Variants in TACR3 observed in about 807,000 individuals in gnomAD.
TACR3 encodes the protein neuromedin-K receptor.
In TACR3, 34 loss-of-function variants were observed where a neutral mutation model predicts 35.0. That is an observed-to-expected ratio of 0.97 (90% CI 0.74 to 1.30). The LOEUF is 1.30. TACR3 is among the 50% of genes most tolerant of loss of function. The pLI, the probability that TACR3 is intolerant of heterozygous loss-of-function variation, is 0.00. For missense variants in TACR3, 558 were observed against 591.7 expected (o/e 0.94, Z 0.59); for synonymous variants, 233 against 221.1 (o/e 1.05, Z -0.48).
chr4:103,613,741 T>G (rs1376918332), intron 3 of TACR3, among the ~76,000 whole-genome samples: 1 of 152,226 alleles, frequency 6.6e-6, no homozygotes, highest in Admixed American at 6.5e-5. Context: ...CACAGTTCTT[T>G]AGGCTGAGAG....
chr4:103,681,610 C>T (rs1055628437), intron 1 of TACR3, among the ~76,000 whole-genome samples: 4 of 151,982 alleles, frequency 2.6e-5, no homozygotes, highest in Non-Finnish European at 4.4e-5. Flanking sequence ...CTTCAAAATA[C>T]GTGAATCAAA....
intron 1 of TACR3, among the ~76,000 whole-genome samples, chr4:103,693,529 A>G (rs1231388950): frequency 1.3e-5 from 2 of 152,098 alleles, no homozygotes; most frequent in Non-Finnish European, 2.9e-5. Context: ...TTTTAGGTAA[A>G]TGTGCATTTC....
In TACR3 at chr4:103,719,403, C is replaced by T. The variant is rs773303941; in HGVS notation, c.273G>A (p.Ala91=). The T allele has an allele frequency of 6.8e-6, 11 of 1,614,134 alleles. No homozygotes were observed. In the East Asian group the frequency reaches 2.2e-4, roughly 33 times the overall value. ...PSWRIALWSL[A]YGVVVAVAVL... ...CTGCCACTGCCACCACCACACCATA[C>T]GCCAGGGACCAGAGCGCGATGCGCC... The change falls in exon 1 of 5, where the codon GCG becomes GCA. Residue 91 remains alanine, a synonymous_variant. Transcript: ENST00000304883.
At chr4:103,660,220 T>A (rs996166184) in intron 1 of TACR3, among the ~76,000 whole-genome samples, 3 of 151,908 alleles carry the variant, frequency 2.0e-5, no homozygotes, top group South Asian at 4.1e-4. Context: ...AAGAAAACAG[T>A]CTTAATTCAT....
chr4:103,596,065 A>C (rs940488004), intron 3 of TACR3, among the ~76,000 whole-genome samples: 1 of 150,796 alleles, frequency 6.6e-6, no homozygotes, highest in African/African-American at 2.4e-5. Flanking sequence ...CCATGTCCCT[A>C]CAAAGGACAT....
At position 103,675,809 on chromosome 4, in the gene TACR3, A is replaced by C. The variant is rs559359742; in HGVS notation, c.549-17406T>G. ...CAACACCAAGAAAAGGCCAAAGAGC[A>C]AGGGACCCTATTGGTGCAATCCACA... is the stretch of plus-strand genomic sequence containing the variant. On this transcript the variant is annotated intron_variant, in intron 1 of 4. Transcript: ENST00000304883. Among the ~76,000 whole-genome samples, 9 of 152,230 alleles carry C rather than the reference A, an allele frequency of 5.9e-5. No homozygotes were observed. In the East Asian group the frequency reaches 1.2e-3, roughly 20 times the overall value.
At chr4:103,603,268 G>A (rs1268716955) in intron 3 of TACR3, among the ~76,000 whole-genome samples, 1 of 152,194 alleles carries the variant, frequency 6.6e-6, no homozygotes. Flanking sequence ...GGGTGGGAGT[G>A]ACCCGATTTT....
chr4:103,683,438 G>C (rs1722145864), intron 1 of TACR3, among the ~76,000 whole-genome samples: 1 of 84,104 alleles, frequency 1.2e-5, no homozygotes, highest in African/African-American at 4.8e-5. Flanking sequence ...TGGAAAGCTT[G>C]CTAAAATTGA....
chr4:103,698,405 A>T (rs1166910496), intron 1 of TACR3, among the ~76,000 whole-genome samples: 4,139 of 152,174 alleles, frequency 0.027, 207 homozygotes, highest in African/African-American at 0.095. Context: ...TCATTTGAAA[A>T]GTCTCAAATC....
intron 1 of TACR3, among the ~76,000 whole-genome samples, chr4:103,662,731 T>C (rs1161248497): frequency 6.6e-6 from 1 of 152,144 alleles, no homozygotes; most frequent in East Asian, 1.9e-4. Flanking sequence ...GAATGTTATG[T>C]GAAGACAGAA....
intron 1 of TACR3, among the ~76,000 whole-genome samples, chr4:103,666,657 G>A (rs1725942576): frequency 6.6e-6 from 1 of 152,014 alleles, no homozygotes; most frequent in African/African-American, 2.4e-5. Context: ...CATCAGTAAA[G>A]AATATTACAT....
At chr4:103,715,001 A>G (rs1723058289) in intron 1 of TACR3, among the ~76,000 whole-genome samples, 1 of 152,214 alleles carries the variant, frequency 6.6e-6, no homozygotes, top group African/African-American at 2.4e-5. Context: ...GTAGCATAGA[A>G]GACCAATTTT....
At chr4:103,667,215 G>A (rs1002579369) in intron 1 of TACR3, among the ~76,000 whole-genome samples, 1 of 152,076 alleles carries the variant, frequency 6.6e-6, no homozygotes, top group Admixed American at 6.6e-5. Context: ...TCAAGATCGC[G>A]CCATTGCATT....
At chr4:103,663,762 A>G (rs1725881297) in intron 1 of TACR3, among the ~76,000 whole-genome samples, 1 of 152,200 alleles carries the variant, frequency 6.6e-6, no homozygotes, top group African/African-American at 2.4e-5. Context: ...TTGGGCACCA[A>G]TATTTTCTAT....
chr4:103,719,162 T>C lies in TACR3; in HGVS notation c.514A>G (p.Ser172Gly), dbSNP rs199505146. The C allele has an allele frequency of 6.2e-6, 10 of 1,614,098 alleles. No individual in the cohort carries two copies. Among genetic ancestry groups the C allele is most frequent in the Non-Finnish European group, 7.6e-6 (9 of 1,180,054 alleles). ...NFFPITAVFA[S>G]IYSMTAIAVD... ...GCAATGGCCGTCATGGAGTAGATGC[T>C]GGCGAACACAGCTGTGATAGGAAAG... is the stretch of plus-strand genomic sequence containing the variant. Residue 172 changes from serine (S) to glycine (G), a missense_variant, in exon 1 of 5, where the codon AGC becomes GGC. By Grantham distance (56) the Ser-to-Gly change is moderately conservative (BLOSUM62 0). Transcript: ENST00000304883.
chr4:103,653,110 G>T (rs576249227), intron 3 of TACR3, among the ~76,000 whole-genome samples: 1 of 152,042 alleles, frequency 6.6e-6, no homozygotes, highest in African/African-American at 2.4e-5. Context: ...TGATGTAAGG[G>T]GCCATTTCGT....
chr4:103,687,533 G>A (rs1290294151), intron 1 of TACR3, among the ~76,000 whole-genome samples: 4 of 152,020 alleles, frequency 2.6e-5, no homozygotes, highest in African/African-American at 7.2e-5. Context: ...TAAGCTGATA[G>A]GCAACTTCAG....
At chr4:103,628,107 G>T (rs1184485305) in intron 3 of TACR3, among the ~76,000 whole-genome samples, 1 of 152,156 alleles carries the variant, frequency 6.6e-6, no homozygotes, top group Non-Finnish European at 1.5e-5. Context: ...TGAGAAAAAA[G>T]ACACAAGGTA....
At chr4:103,679,225 C>G (rs1726237372) in intron 1 of TACR3, among the ~76,000 whole-genome samples, 1 of 152,028 alleles carries the variant, frequency 6.6e-6, no homozygotes, top group Admixed American at 6.6e-5. Flanking sequence ...AAAAGCCAAT[C>G]ATAATCCTGA....
Sources: allele counts gnomAD v4.1 joint callset (sites outside exome capture counted in the v4.1 genomes callset), GRCh38; gene constraint gnomAD v4.1.1; transcripts MANE v1.5; gene names NCBI Gene and HGNC (gene_info 2026-07-23, HGNC 2026-07-21).